The following MAP4K3 variants were observed in gnomAD, a reference collection of about 807,000 sequenced individuals.
MAP4K3 encodes MAPK/ERK kinase kinase kinase 3.
Under a neutral mutation model 143.5 loss-of-function variants are expected in MAP4K3, and 94 were observed. The ratio of observed to expected loss-of-function variants is 0.65; its 90% CI spans 0.55 to 0.78. The LOEUF (loss-of-function observed/expected upper bound fraction) is 0.78, where lower values mean the gene tolerates loss of function less well. Among genes scored for constraint, MAP4K3 ranks in the 30% least tolerant of loss-of-function variants. The pLI, the probability that MAP4K3 is intolerant of heterozygous loss-of-function variation, is 0.00. For missense variants in MAP4K3, 1,077 were observed against 1,068.1 expected (o/e 1.01, Z -0.12); for synonymous variants, 416 against 347.2 (o/e 1.20, Z -2.20).
chr2:39,419,092 T>A (rs997334360), intron 1 of MAP4K3, among the ~76,000 whole-genome samples: 2 of 152,320 alleles, frequency 1.3e-5, no homozygotes, highest in East Asian at 1.9e-4. Context: ...GTTTATTTTT[T>A]AAAAATCTTA....
At chr2:39,418,447 T>C (rs1040869090) in intron 1 of MAP4K3, among the ~76,000 whole-genome samples, 1 of 152,216 alleles carries the variant, frequency 6.6e-6, no homozygotes. Context: ...TTTACGAAGC[T>C]ACTCCCTTCC....
At chr2:39,318,936 G>C (rs185962359) in intron 12 of MAP4K3, among the ~76,000 whole-genome samples, 1 of 152,108 alleles carries the variant, frequency 6.6e-6, no homozygotes, top group Non-Finnish European at 1.5e-5. Flanking sequence ...GTTTTTGACC[G>C]GGGCAATTTT....
chr2:39,328,810 A>T (rs1256589483), intron 8 of MAP4K3, among the ~76,000 whole-genome samples: 1 of 152,162 alleles, frequency 6.6e-6, no homozygotes, highest in Admixed American at 6.5e-5. Flanking sequence ...TAAGTGATCT[A>T]CTCTAAGAAA....
chr2:39,274,071 T>C (rs1356245258), intron 24 of MAP4K3, among the ~76,000 whole-genome samples: 6 of 152,242 alleles, frequency 3.9e-5, no homozygotes, highest in Non-Finnish European at 7.3e-5. Context: ...CAAATGTAAG[T>C]AGGTTTGCTT....
At chr2:39,359,541 G>A (rs937962800) in intron 2 of MAP4K3, among the ~76,000 whole-genome samples, 1 of 152,278 alleles carries the variant, frequency 6.6e-6, no homozygotes, top group African/African-American at 2.4e-5. Context: ...ACTAGGCAGT[G>A]CTGCAGTGGG....
chr2:39,288,780 C>T (rs573200624), intron 19 of MAP4K3, among the ~76,000 whole-genome samples: 218 of 152,238 alleles, frequency 1.4e-3, no homozygotes, highest in Admixed American at 4.3e-3. Flanking sequence ...TGGCCGGGTG[C>T]GGTGGCTCAC....
chr2:39,259,152 C>T (rs1192761867), intron 29 of MAP4K3, among the ~76,000 whole-genome samples: 1 of 151,558 alleles, frequency 6.6e-6, no homozygotes, highest in East Asian at 1.9e-4. Flanking sequence ...GCCACCATGT[C>T]TGGCTAATTA....
At chr2:39,349,461 G>A (rs2148543087) in intron 3 of MAP4K3, among the ~76,000 whole-genome samples, 1 of 152,220 alleles carries the variant, frequency 6.6e-6, no homozygotes, top group Admixed American at 6.5e-5. Context: ...CAAAGGGTGG[G>A]CCACTGAACA....
intron 2 of MAP4K3, among the ~76,000 whole-genome samples, chr2:39,370,813 A>G (rs889947108): frequency 1.2e-4 from 18 of 152,206 alleles, no homozygotes; most frequent in African/African-American, 4.3e-4. Flanking sequence ...GTATCATATT[A>G]TAATAACTAG....
At chr2:39,295,968 C>T (rs1003582517) in intron 16 of MAP4K3, among the ~76,000 whole-genome samples, 1 of 152,138 alleles carries the variant, frequency 6.6e-6, no homozygotes, top group African/African-American at 2.4e-5. Flanking sequence ...ATCCACCCGC[C>T]TTGGCTTCCC....
At chr2:39,433,438 T>C (rs1453572017) in intron 1 of MAP4K3, among the ~76,000 whole-genome samples, 3 of 152,204 alleles carry the variant, frequency 2.0e-5, no homozygotes, top group Non-Finnish European at 2.9e-5. Flanking sequence ...AGGGTAGGAA[T>C]AATAAAAATT....
intron 6 of MAP4K3, among the ~76,000 whole-genome samples, chr2:39,333,841 G>C (rs1683766258): frequency 6.6e-6 from 1 of 152,064 alleles, no homozygotes; most frequent in Admixed American, 6.6e-5. Flanking sequence ...TGATATATTA[G>C]TTTTCATCAA....
chr2:39,405,092 A>G (rs1287941153), intron 1 of MAP4K3, among the ~76,000 whole-genome samples: 38 of 152,344 alleles, frequency 2.5e-4, no homozygotes, highest in Non-Finnish European at 1.0e-4. Context: ...GTAACCAGGT[A>G]GGGGTCACAG....
At chr2:39,436,730 TGTTCACCAA>T (rs1472022026) in intron 1 of MAP4K3, 153 bp downstream of exon 1, 6 of 620,056 alleles carry the variant, frequency 9.7e-6, no homozygotes, top group Non-Finnish European at 1.7e-5. Flanking sequence ...TTCGGCCCTT[TGTTCACCAA>T]GGCAGCAGAG....
At chr2:39,375,947 G>C (rs943800455) in intron 2 of MAP4K3, among the ~76,000 whole-genome samples, 3 of 152,162 alleles carry the variant, frequency 2.0e-5, no homozygotes, top group Non-Finnish European at 4.4e-5. Context: ...TCAATTGTAT[G>C]AACACAACAT....
chr2:39,309,054 G>C (rs1472997110), intron 14 of MAP4K3, among the ~76,000 whole-genome samples: 3 of 151,982 alleles, frequency 2.0e-5, no homozygotes, highest in African/African-American at 7.2e-5. Context: ...AAAATATTCA[G>C]CAACACAGAT....
At chr2:39,397,919 A>G (rs1016524735) in intron 1 of MAP4K3, among the ~76,000 whole-genome samples, 2 of 152,218 alleles carry the variant, frequency 1.3e-5, no homozygotes, top group Non-Finnish European at 2.9e-5. Flanking sequence ...AATGCAAACA[A>G]AAAATATACA....
At chr2:39,267,469 G>C in intron 26 of MAP4K3, 1 of 457,538 alleles carries the variant, frequency 2.2e-6, no homozygotes, top group South Asian at 2.5e-5. Flanking sequence ...TCAAGACTTC[G>C]AGACCAGCCT....
At chr2:39,393,503 T>C (rs945676766) in intron 1 of MAP4K3, among the ~76,000 whole-genome samples, 7 of 152,254 alleles carry the variant, frequency 4.6e-5, no homozygotes, top group Non-Finnish European at 1.0e-4. Context: ...AAAAGCTATG[T>C]ATAGCAAACT....
Sources: gnomAD v4.1 joint callset for allele counts (sites outside exome capture counted in the v4.1 genomes callset) on GRCh38, gnomAD v4.1.1 for gene constraint, MANE v1.5 for transcripts, NCBI Gene and HGNC (gene_info 2026-07-23, HGNC 2026-07-21) for gene names.